Variants in STXBP5L observed in about 807,000 individuals in gnomAD.
STXBP5L encodes syntaxin-binding protein 5-like.
In STXBP5L, 65 loss-of-function variants were observed where a neutral mutation model predicts 144.5. That is an observed-to-expected ratio of 0.45 (90% CI 0.37 to 0.55). STXBP5L has a LOEUF of 0.55. Ranked by LOEUF, STXBP5L falls within the 20% of genes least tolerant of loss-of-function variation. STXBP5L has a pLI of 0.00. For missense variants in STXBP5L, 1,298 were observed against 1,405.5 expected, an observed-to-expected ratio of 0.92 and a Z score of 1.22; for synonymous variants, 505 against 469.6, an observed-to-expected ratio of 1.08 and a Z score of -0.97.
intron 20 of STXBP5L, among the ~76,000 whole-genome samples, chr3:121,365,866 G>C (rs1421757867): frequency 1.3e-5 from 2 of 151,396 alleles, no homozygotes; most frequent in East Asian, 3.9e-4. Flanking sequence ...TTGTTGCCTT[G>C]AGATTTTTCT....
rs138684443 is a variant in STXBP5L, at chr3:121,196,607, T to A, written c.878-9316T>A. 1.6e-4 allele frequency among the ~76,000 whole-genome samples: 24 copies of A among 152,300 alleles called. No homozygotes were observed. The East Asian group carries it at 4.6e-3, about 29-fold the overall frequency. ...TGTTTGCTTTCAGTTTAGTTTTTTT[T>A]ATTTTTCTATATTTTAATGTGAATG... On this transcript the variant is annotated intron_variant, in intron 9 of 26. Coordinates refer to ENST00000471454, the MANE Select transcript of STXBP5L (RefSeq NM_001308330.2).
chr3:121,329,415 G>A (rs1350787751), intron 20 of STXBP5L, among the ~76,000 whole-genome samples: 4 of 152,118 alleles, frequency 2.6e-5, no homozygotes, highest in African/African-American at 9.7e-5. Flanking sequence ...TGGTCCAGAG[G>A]TTAGAACTGA....
chr3:121,247,583 G>A (rs2049895904), intron 14 of STXBP5L, among the ~76,000 whole-genome samples: 1 of 152,222 alleles, frequency 6.6e-6, no homozygotes, highest in African/African-American at 2.4e-5. Context: ...TTAGTTTTCT[G>A]TTCCTGTGCT....
rs745771301 is a variant in STXBP5L, at chr3:121,381,305, A to C, written c.2360A>C (p.Asn787Thr). Residue 787 changes from asparagine (N) to threonine (T), a missense_variant, in exon 22 of 27, where the codon AAT becomes ACT. By Grantham distance (65) the Asn-to-Thr change is moderately conservative. Transcript: ENST00000471454. ...TTTATTTCCATAGAAAACCGAGAAAATTCCTATAATCGTTCTAGAAGCTCT... is the reference window on the plus strand; with the variant it reads ...TTTATTTCCATAGAAAACCGAGAAACTTCCTATAATCGTTCTAGAAGCTCT... ...LPVTTEENRE[N>T]SYNRSRSSSI... The C allele has an allele frequency of 1.3e-6, 2 of 1,581,250 alleles. No homozygotes were observed. The highest frequency in any genetic ancestry group is 1.7e-6 in the Non-Finnish European group (2 of 1,171,052).
At chr3:121,079,006 T>G (rs1342866414) in intron 5 of STXBP5L, among the ~76,000 whole-genome samples, 1 of 152,230 alleles carries the variant, frequency 6.6e-6, no homozygotes, top group Non-Finnish European at 1.5e-5. Context: ...GCTCCCACAG[T>G]GCAGCGGTGG....
chr3:121,278,115 A>G (rs764046134), intron 18 of STXBP5L, among the ~76,000 whole-genome samples: 23 of 151,940 alleles, frequency 1.5e-4, no homozygotes, highest in Non-Finnish European at 3.2e-4. Flanking sequence ...ACTAAATGAG[A>G]CCATCAATCT....
chr3:120,991,938 G>A (rs1428513389), intron 3 of STXBP5L, among the ~76,000 whole-genome samples: 1 of 152,090 alleles, frequency 6.6e-6, no homozygotes, highest in East Asian at 1.9e-4. Context: ...TTGTGCAGAT[G>A]TACCCTAAAA....
chr3:121,302,858 T>TA (rs2051977555), intron 19 of STXBP5L, among the ~76,000 whole-genome samples: 1 of 152,166 alleles, frequency 6.6e-6, no homozygotes, highest in East Asian at 1.9e-4. Flanking sequence ...ATCCCTTCCT[T>TA]ACACCTTATA....
intron 7 of STXBP5L, among the ~76,000 whole-genome samples, chr3:121,125,151 G>A (rs1301473997): frequency 1.3e-5 from 2 of 152,112 alleles, no homozygotes; most frequent in Non-Finnish European, 2.9e-5. Context: ...GGAACAAACT[G>A]CTAAAGTTAA....
In STXBP5L at chr3:120,962,230, T is replaced by A. The variant is rs1453312745; in HGVS notation, c.287+7193T>A. Among the ~76,000 whole-genome samples, 3 of 152,228 alleles carry A rather than the reference T, an allele frequency of 2.0e-5. 1 individual carries two copies. In the South Asian group the frequency reaches 6.2e-4, roughly 31 times the overall value. On this transcript the variant is annotated intron_variant, in intron 3 of 26. Coordinates refer to ENST00000471454, the MANE Select transcript of STXBP5L (RefSeq NM_001308330.2). ...TTTTTCTTCCATTCTATAGGTTGCC[T>A]GTTCATTCTGATGGTAGTTTCTTTT...
At chr3:121,358,544 C>T (rs1055486297) in intron 20 of STXBP5L, among the ~76,000 whole-genome samples, 2 of 152,040 alleles carry the variant, frequency 1.3e-5, no homozygotes, top group African/African-American at 4.8e-5. Flanking sequence ...TGAGGCAGCA[C>T]TAGGGGGATT....
In STXBP5L at chr3:120,998,489, C is replaced by A. The variant is rs557373125; in HGVS notation, c.288-43211C>A. On this transcript the variant is annotated intron_variant, in intron 3 of 26. Coordinates refer to ENST00000471454, the MANE Select transcript of STXBP5L (RefSeq NM_001308330.2). ...TGGTGGTTTGCTGCACCCATCAACC[C>A]ATCATCTACATTAGGTATTTCTCCT... 1.4e-4 allele frequency among the ~76,000 whole-genome samples: 22 copies of A among 152,146 alleles called. No homozygotes were observed. The Middle Eastern group carries it at 0.01, about 71-fold the overall frequency.
At chr3:121,385,031 G>A (rs1464443052) in intron 22 of STXBP5L, among the ~76,000 whole-genome samples, 1 of 151,776 alleles carries the variant, frequency 6.6e-6, no homozygotes, top group Non-Finnish European at 1.5e-5. Context: ...ATATATATGT[G>A]TATATATAAA....
intron 23 of STXBP5L, among the ~76,000 whole-genome samples, chr3:121,408,614 G>C (rs2047048502): frequency 6.6e-6 from 1 of 151,964 alleles, no homozygotes; most frequent in African/African-American, 2.4e-5. Context: ...GTAACATGGA[G>C]AGGTAGTTTG....
chr3:121,100,028 G>T (rs1395124397), intron 5 of STXBP5L, among the ~76,000 whole-genome samples: 2 of 152,116 alleles, frequency 1.3e-5, no homozygotes, highest in Non-Finnish European at 2.9e-5. Flanking sequence ...TGATAAAGGG[G>T]TTAATTTGAC....
chr3:121,086,007 A>G (rs1038957436), intron 5 of STXBP5L, among the ~76,000 whole-genome samples: 1 of 152,190 alleles, frequency 6.6e-6, no homozygotes, highest in Non-Finnish European at 1.5e-5. Flanking sequence ...GATCTCAGAA[A>G]TAAGACCACA....
rs554919141 is a variant in STXBP5L, at chr3:121,384,837, G to A, written c.2587+3305G>A. ...CAAACTTTGTCCCTTCTCTGTCCCC[G>A]TCCCCATCCTCATTTCCTCCCCTAG... On this transcript the variant is annotated intron_variant, in intron 22 of 26. Coordinates refer to ENST00000471454, the MANE Select transcript of STXBP5L (RefSeq NM_001308330.2). 2.2e-4 allele frequency among the ~76,000 whole-genome samples: 34 copies of A among 151,712 alleles called. No homozygotes were observed. The East Asian group carries it at 4.3e-3, about 19-fold the overall frequency.
intron 5 of STXBP5L, among the ~76,000 whole-genome samples, chr3:121,047,232 C>T (rs1576767594): frequency 6.6e-6 from 1 of 151,838 alleles, no homozygotes; most frequent in African/African-American, 2.4e-5. Context: ...GGTATGGTTT[C>T]ATTTTTTTTA....
intron 3 of STXBP5L, among the ~76,000 whole-genome samples, chr3:120,973,952 T>G (rs1233907168): frequency 6.6e-6 from 1 of 152,230 alleles, no homozygotes; most frequent in Non-Finnish European, 1.5e-5. Flanking sequence ...TGTTGGACAT[T>G]TGGGTTGGTT....
Sources: allele counts gnomAD v4.1 joint callset (sites outside exome capture counted in the v4.1 genomes callset), GRCh38; gene constraint gnomAD v4.1.1; transcripts MANE v1.5; gene names NCBI Gene and HGNC (gene_info 2026-07-23, HGNC 2026-07-21).